POT1: variants seen among roughly 807,000 people sequenced by gnomAD.
POT1 encodes protection of telomeres 1, also known as protection of telomeres protein 1.
POT1 carries 47 observed loss-of-function variants against 78.5 expected under a neutral mutation model. That is an observed-to-expected ratio of 0.60 (90% CI 0.47 to 0.76). The LOEUF (loss-of-function observed/expected upper bound fraction) is 0.76, where lower values mean the gene tolerates loss of function less well. POT1 is among the 30% of genes least tolerant of loss of function. The pLI is 0.00. For missense variants in POT1, 646 were observed against 749.9 expected, an observed-to-expected ratio of 0.86 and a Z score of 1.62; for synonymous variants, 259 against 260.7, an observed-to-expected ratio of 0.99 and a Z score of 0.06.
chr7:124,873,300 G>C (rs995069464), intron 6 of POT1, among the ~76,000 whole-genome samples: 1 of 152,102 alleles, frequency 6.6e-6, no homozygotes, highest in African/African-American at 2.4e-5. Flanking sequence ...TGAATAGAGT[G>C]GGCATCTGTC....
chr7:124,893,008 T>C (rs868740022), intron 5 of POT1, among the ~76,000 whole-genome samples: 1 of 151,500 alleles, frequency 6.6e-6, no homozygotes, highest in Non-Finnish European at 1.5e-5. Context: ...GTCTTAACAA[T>C]ACAAGTTACA....
chr7:124,889,364 A>G (rs1210005285), intron 6 of POT1, among the ~76,000 whole-genome samples: 1 of 152,112 alleles, frequency 6.6e-6, no homozygotes, highest in African/African-American at 2.4e-5. Flanking sequence ...ACATTGGTTC[A>G]TGGCATTTCA....
intron 14 of POT1, among the ~76,000 whole-genome samples, chr7:124,835,967 A>G (rs1472359587): frequency 2.0e-5 from 3 of 152,194 alleles, no homozygotes; most frequent in African/African-American, 7.2e-5. Context: ...GTATTGTCCA[A>G]TGGCATCCAT....
chr7:124,878,193 G>A (rs147984967), intron 6 of POT1, among the ~76,000 whole-genome samples: 1,779 of 152,098 alleles, frequency 0.012, 43 homozygotes, highest in African/African-American at 0.039. Context: ...TTAACCAGGT[G>A]TGGTGGTGCG....
At position 124,851,872 on chromosome 7, in the gene POT1, T is replaced by C. The variant is rs1554423487; in HGVS notation, c.949A>G (p.Ser317Gly). ...TGTCAATGTTAAAGATTATCCTTACTTGGAAAGCTGTCGTCAGGTTCTGAT... is the reference window on the plus strand; with the variant it reads ...TGTCAATGTTAAAGATTATCCTTACCTGGAAAGCTGTCGTCAGGTTCTGAT... ...CQSEPDDSFP[S>G]SGSVSLYEVE... The change falls in exon 11 of 19, where the codon AGC becomes GGC. Residue 317 changes from serine (S) to glycine (G), a missense_variant and splice_region_variant. This residue lies in a region of POT1 where 394 missense variants were observed against 408.4 expected (regional missense o/e 0.96). Transcript: ENST00000357628. The C allele has an allele frequency of 1.3e-6, 2 of 1,596,572 alleles. No individual in the cohort carries two copies. Among genetic ancestry groups the C allele is most frequent in the Non-Finnish European group, 1.7e-6 (2 of 1,164,494 alleles).
chr7:124,847,447 T>C (rs1004549657), intron 11 of POT1, among the ~76,000 whole-genome samples: 1 of 152,184 alleles, frequency 6.6e-6, no homozygotes. Flanking sequence ...TGAGCTGAGA[T>C]TGTGCCATTG....
chr7:124,840,887 T>C, intron 14 of POT1, 86 bp downstream of exon 14: 1 of 1,071,576 alleles, frequency 9.3e-7, no homozygotes, highest in Non-Finnish European at 1.4e-6. Flanking sequence ...TGTACTAGGT[T>C]GTCTGTAAAA....
chr7:124,852,924 C>T lies in POT1; in HGVS notation c.869+48G>A, dbSNP rs372109607. 49 of 1,512,306 alleles carry T rather than the reference C, an allele frequency of 3.2e-5. No homozygotes were observed. Among genetic ancestry groups the T allele is most frequent in the Admixed American group, 5.7e-5 (3 of 52,940 alleles). 93.7% of individuals were successfully genotyped at this position (1,512,306 alleles called of 1,614,324 possible). A position where few individuals can be genotyped will look rare whatever the true frequency, so the allele number is the denominator to read the frequency against. ...CCAGGAACAATATTATCTTAGAAATCGGCTTAATCGATACCTTATTTACAT... is the reference window on the plus strand; with the variant it reads ...CCAGGAACAATATTATCTTAGAAATTGGCTTAATCGATACCTTATTTACAT... On this transcript the variant is annotated intron_variant, in intron 10 of 18. Coordinates refer to ENST00000357628, the MANE Select transcript of POT1 (RefSeq NM_015450.3).
At chr7:124,845,218 T>C (rs193116584) in intron 12 of POT1, among the ~76,000 whole-genome samples, 1 of 152,358 alleles carries the variant, frequency 6.6e-6, no homozygotes, top group East Asian at 1.9e-4. Context: ...TAGCATTCAT[T>C]TTATTTTCAA....
chr7:124,866,754 A>T (rs1795735442), intron 7 of POT1, among the ~76,000 whole-genome samples: 1 of 152,142 alleles, frequency 6.6e-6, no homozygotes, highest in African/African-American at 2.4e-5. Flanking sequence ...TCACTCTCTG[A>T]TCATAGCTAC....
intron 6 of POT1, among the ~76,000 whole-genome samples, chr7:124,891,427 T>C (rs1001284495): frequency 6.6e-6 from 1 of 151,668 alleles, no homozygotes; most frequent in Non-Finnish European, 1.5e-5. Context: ...TGAGTTTTTG[T>C]AGACAGCATA....
chr7:124,825,530 T>C (rs527378076), intron 17 of POT1, among the ~76,000 whole-genome samples, 173 bp from the exon 18 acceptor site: 6 of 152,244 alleles, frequency 3.9e-5, no homozygotes, highest in African/African-American at 1.4e-4. Context: ...AAAATCTTAT[T>C]TACTCTTTAA....
At position 124,876,845 on chromosome 7, in the gene POT1, T is replaced by C. The variant is rs1277204315; in HGVS notation, c.125-5804A>G. On this transcript the variant is annotated intron_variant, in intron 6 of 18. Coordinates refer to ENST00000357628, the MANE Select transcript of POT1 (RefSeq NM_015450.3). ...AAATATTCTACTGACTGTTCTACTC[T>C]ACATAGACTTTGTTTCTGTTAAATT... 2.6e-5 allele frequency among the ~76,000 whole-genome samples: 4 copies of C among 152,322 alleles called. No homozygotes were observed. The East Asian group carries it at 7.7e-4, about 29-fold the overall frequency.
intron 3 of POT1, among the ~76,000 whole-genome samples, chr7:124,909,540 A>T (rs188901603): frequency 6.6e-6 from 1 of 151,984 alleles, no homozygotes; most frequent in Admixed American, 6.6e-5. Flanking sequence ...AATAATCAGC[A>T]TTTCTGGGTT....
chr7:124,923,983 C>A (rs893434677), intron 2 of POT1, among the ~76,000 whole-genome samples: 6 of 151,142 alleles, frequency 4.0e-5, no homozygotes, highest in African/African-American at 1.5e-4. Context: ...TAAAAAATTT[C>A]CCAGATAAGC....
At position 124,927,541 on chromosome 7, in the gene POT1, C is replaced by T. The variant is rs79329233; in HGVS notation, c.-227+1274G>A. Among the ~76,000 whole-genome samples the T allele has an allele frequency of 9.9e-5, 15 of 152,264 alleles. No individual in the cohort carries two copies. In the East Asian group the frequency reaches 2.7e-3, roughly 27 times the overall value. ...AGTGTTATTGAAACTTGCATTCTTA[C>T]GTATCAAAGACTCCTGAGTTTCTTC... On this transcript the variant is annotated intron_variant, in intron 2 of 18. Transcript: ENST00000357628.
At chr7:124,892,587 C>T (rs1467197651) in intron 5 of POT1, 3 of 342,834 alleles carry the variant, frequency 8.8e-6, no homozygotes. Context: ...GTACAATTTG[C>T]ACACTAGCTC....
chr7:124,843,340 T>C (rs951910693), intron 12 of POT1: 1 of 155,220 alleles, frequency 6.4e-6, no homozygotes, highest in East Asian at 1.9e-4. Flanking sequence ...ACTTGTAAAA[T>C]ATTATTTGCA....
intron 13 of POT1, among the ~76,000 whole-genome samples, chr7:124,841,911 A>T (rs925677072): frequency 1.3e-5 from 2 of 151,976 alleles, no homozygotes; most frequent in African/African-American, 2.4e-5. Flanking sequence ...AATCCCAACC[A>T]CCATTTCAAG....
Sources: gnomAD v4.1 joint callset for allele counts (sites outside exome capture counted in the v4.1 genomes callset) on GRCh38, gnomAD v4.1.1 for gene constraint, gnomAD v4.1.1 regional missense constraint, MANE v1.5 for transcripts, NCBI Gene and HGNC (gene_info 2026-07-23, HGNC 2026-07-21) for gene names.